Variants in TNIK observed in about 807,000 individuals in gnomAD.
TNIK encodes the protein TRAF2 and NCK interacting kinase, also known as TRAF2 and NCK-interacting protein kinase.
Under a neutral mutation model 191.3 loss-of-function variants are expected in TNIK, and 49 were observed. The observed-to-expected ratio is 0.26, with a 90% confidence interval of 0.20 to 0.32. The LOEUF (loss-of-function observed/expected upper bound fraction) is 0.32, where lower values mean the gene tolerates loss of function less well. Ranked by LOEUF, TNIK falls within the 10% of genes least tolerant of loss-of-function variation. TNIK has a pLI of 1.00. For missense variants in TNIK, 1,155 were observed against 1,702.3 expected, an observed-to-expected ratio of 0.68 and a Z score of 5.66; for synonymous variants, 594 against 600.9, an observed-to-expected ratio of 0.99 and a Z score of 0.17.
intron 5 of TNIK, among the ~76,000 whole-genome samples, chr3:171,191,973 T>C (rs1175855116): frequency 2.0e-5 from 3 of 152,226 alleles, no homozygotes; most frequent in Non-Finnish European, 4.4e-5. Context: ...TAATTTTTTG[T>C]GCTTTTCATC....
chr3:171,307,122 C>T (rs1412752263), intron 2 of TNIK, among the ~76,000 whole-genome samples: 2 of 152,182 alleles, frequency 1.3e-5, no homozygotes, highest in Non-Finnish European at 2.9e-5. Context: ...TCGTCCTTCA[C>T]ATACGTTTCC....
intron 3 of TNIK, among the ~76,000 whole-genome samples, chr3:171,214,176 A>C (rs1259238997): frequency 6.6e-6 from 1 of 151,740 alleles, no homozygotes; most frequent in Non-Finnish European, 1.5e-5. Flanking sequence ...AGTCTAGGGC[A>C]CAGATGGCAG....
At chr3:171,126,284 C>G in intron 16 of TNIK, 133 bp from the exon 17 acceptor site, 1 of 1,099,510 alleles carries the variant, frequency 9.1e-7, no homozygotes, top group East Asian at 3.0e-5. Flanking sequence ...TCTATCACAA[C>G]TATATATAGC....
chr3:171,167,584 T>TA (rs1362640014), intron 9 of TNIK, among the ~76,000 whole-genome samples: 1 of 152,134 alleles, frequency 6.6e-6, no homozygotes, highest in Non-Finnish European at 1.5e-5. Context: ...GGGAATCACA[T>TA]CTAGAAGGGC....
chr3:171,333,737 C>T (rs1577514574), intron 2 of TNIK, among the ~76,000 whole-genome samples: 1 of 152,304 alleles, frequency 6.6e-6, no homozygotes, highest in South Asian at 2.1e-4. Flanking sequence ...CAGTTTGCAA[C>T]CCCTATCCTA....
intron 4 of TNIK, among the ~76,000 whole-genome samples, chr3:171,210,061 C>G (rs2108906617): frequency 6.6e-6 from 1 of 152,230 alleles, no homozygotes. Context: ...ACATACAAAA[C>G]CTCTGGAAAA....
chr3:171,213,879 A>C (rs1741157121), intron 3 of TNIK, among the ~76,000 whole-genome samples: 1 of 152,156 alleles, frequency 6.6e-6, no homozygotes, highest in Non-Finnish European at 1.5e-5. Flanking sequence ...TATAAGTCCC[A>C]GCATTTTGTG....
At chr3:171,240,525 G>A (rs540640089) in intron 2 of TNIK, among the ~76,000 whole-genome samples, 1 of 147,910 alleles carries the variant, frequency 6.8e-6, no homozygotes, top group Admixed American at 6.7e-5. Flanking sequence ...TGTGATTGAG[G>A]TTCCATTTCT....
intron 2 of TNIK, among the ~76,000 whole-genome samples, chr3:171,351,831 C>T (rs1442241831): frequency 6.6e-6 from 1 of 152,174 alleles, no homozygotes; most frequent in African/African-American, 2.4e-5. Flanking sequence ...GGCAAAAAGG[C>T]CCTGCCTGAG....
At chr3:171,092,077 G>A (rs1351486813) in intron 23 of TNIK, among the ~76,000 whole-genome samples, 2 of 151,690 alleles carry the variant, frequency 1.3e-5, no homozygotes, top group Non-Finnish European at 2.9e-5. Context: ...AGCCTCCTGA[G>A]TAGCTGGGAC....
At chr3:171,450,666 T>C (rs903659351) in intron 1 of TNIK, among the ~76,000 whole-genome samples, 5 of 152,234 alleles carry the variant, frequency 3.3e-5, no homozygotes, top group Non-Finnish European at 7.3e-5. Flanking sequence ...TTAACATGGT[T>C]TTATGGCTTT....
intron 18 of TNIK, among the ~76,000 whole-genome samples, chr3:171,113,536 G>T (rs961181065): frequency 6.6e-6 from 1 of 151,730 alleles, no homozygotes; most frequent in African/African-American, 2.4e-5. Flanking sequence ...AATCCAGGAG[G>T]CAGAGCTTGC....
intron 1 of TNIK, among the ~76,000 whole-genome samples, chr3:171,434,412 G>T (rs1361243118): frequency 6.6e-6 from 1 of 151,468 alleles, no homozygotes; most frequent in Non-Finnish European, 1.5e-5. Flanking sequence ...ATGATGACAA[G>T]GTTGTCCCTG....
intron 2 of TNIK, among the ~76,000 whole-genome samples, chr3:171,311,223 A>C (rs753759124): frequency 6.6e-6 from 1 of 152,212 alleles, no homozygotes; most frequent in African/African-American, 2.4e-5. Flanking sequence ...CTCATAATAC[A>C]TGATGAGAAC....
intron 2 of TNIK, among the ~76,000 whole-genome samples, chr3:171,346,717 G>T (rs1250943743): frequency 2.4e-5 from 1 of 41,794 alleles, no homozygotes; most frequent in Admixed American, 3.0e-4. Context: ...AACAGGAGAA[G>T]AACATTCCAG....
chr3:171,063,619 C>T lies in TNIK; in HGVS notation c.*262G>A, dbSNP rs1313946910. ...TTTCTATCCCTAATTCCGAAGGGCACATGGTCCATCTTTGTCCACAGACAA... is the reference window on the plus strand; with the variant it reads ...TTTCTATCCCTAATTCCGAAGGGCATATGGTCCATCTTTGTCCACAGACAA... On this transcript the variant is annotated 3_prime_UTR_variant, in exon 33 of 33. Transcript: ENST00000436636. 3 of 382,452 alleles carry T rather than the reference C, an allele frequency of 7.8e-6. No individual in the cohort carries two copies. The highest frequency in any genetic ancestry group is 2.1e-5 in the African/African-American group (1 of 47,794). 23.7% of individuals were successfully genotyped at this position (382,452 alleles called of 1,614,324 possible). A position where few individuals can be genotyped will look rare whatever the true frequency, so the allele number is the denominator to read the frequency against.
intron 2 of TNIK, among the ~76,000 whole-genome samples, chr3:171,235,027 GTTTATTTATTCA>G (rs1560299845): frequency 6.6e-6 from 1 of 151,910 alleles, no homozygotes; most frequent in Non-Finnish European, 1.5e-5. Context: ...TTTTTTATTT[GTTTATTTATTCA>G]TTTATTTATT....
intron 4 of TNIK, among the ~76,000 whole-genome samples, chr3:171,210,799 T>G (rs1740708523): frequency 6.8e-6 from 1 of 146,584 alleles, no homozygotes; most frequent in African/African-American, 2.5e-5. Flanking sequence ...ATTCATAAAA[T>G]GTAAATACCA....
chr3:171,083,574 G>A (rs1720950860), intron 26 of TNIK, among the ~76,000 whole-genome samples: 3 of 152,136 alleles, frequency 2.0e-5, no homozygotes, highest in South Asian at 2.1e-4. Flanking sequence ...TCTTTTTCAC[G>A]AGAAAATGCA....
Sources: allele counts gnomAD v4.1 joint callset (sites outside exome capture counted in the v4.1 genomes callset), GRCh38; gene constraint gnomAD v4.1.1; transcripts MANE v1.5; gene names NCBI Gene and HGNC (gene_info 2026-07-23, HGNC 2026-07-21).